Variants in PRDM1 observed in about 807,000 individuals in gnomAD.
The protein encoded by PRDM1 is PR domain zinc finger protein 1.
A neutral mutation model predicts 62.8 loss-of-function variants in PRDM1; 13 were observed. The ratio of observed to expected loss-of-function variants is 0.21; its 90% CI spans 0.13 to 0.33. PRDM1 has a LOEUF of 0.33. Ranked by LOEUF, PRDM1 falls within the 10% of genes least tolerant of loss-of-function variation. PRDM1 has a pLI of 1.00. For synonymous variants in PRDM1, 396 were observed against 417.6 expected (o/e 0.95, Z 0.63); for missense variants, 895 against 1,058.8 (o/e 0.85, Z 2.15).
intron 1 of PRDM1, among the ~76,000 whole-genome samples, chr6:106,018,038 T>G (rs1772645185): frequency 6.6e-6 from 1 of 152,120 alleles, no homozygotes; most frequent in Admixed American, 6.5e-5. Flanking sequence ...ATGAGATTGC[T>G]CAGGAGCTTT....
intron 1 of PRDM1, among the ~76,000 whole-genome samples, chr6:106,028,280 A>G (rs918029835): frequency 3.9e-5 from 6 of 152,206 alleles, no homozygotes. Context: ...ATCCAAGACT[A>G]AGGTTATGTC....
intron 2 of PRDM1, among the ~76,000 whole-genome samples, chr6:106,094,208 T>TA (rs1348763008): frequency 1.3e-5 from 2 of 152,220 alleles, no homozygotes; most frequent in East Asian, 3.8e-4. Context: ...ACTGGGAATA[T>TA]AAAAACTGGA....
At chr6:105,998,569 A>T (rs895551149) in intron 1 of PRDM1, among the ~76,000 whole-genome samples, 4 of 152,184 alleles carry the variant, frequency 2.6e-5, no homozygotes, top group African/African-American at 9.6e-5. Context: ...CTTTCTATAC[A>T]CATGACAGTT....
intron 1 of PRDM1, among the ~76,000 whole-genome samples, chr6:106,034,601 A>ACAC (rs147195130): frequency 2.4e-3 from 363 of 149,684 alleles, no homozygotes; most frequent in Non-Finnish European, 4.2e-3. Flanking sequence ...CTCAGAGATA[A>ACAC]CACTACAGTC....
intron 2 of PRDM1, among the ~76,000 whole-genome samples, chr6:106,094,148 G>A (rs1774028276): frequency 6.6e-6 from 1 of 152,158 alleles, no homozygotes; most frequent in Non-Finnish European, 1.5e-5. Context: ...TGCATGGATC[G>A]ATTCACATAT....
rs1774194986 is a variant in PRDM1, at chr6:106,099,160, C to T, written c.412-140C>T. On this transcript the variant is annotated intron_variant, in intron 3 of 6. Coordinates refer to ENST00000369096, the MANE Select transcript of PRDM1 (RefSeq NM_001198.4). ...TTCTGCTGATTCAAGACTATTCTGG[C>T]TAAACTGATTGGATTCTTTTTCTAA... 4.4e-6 allele frequency: 7 copies of T among 1,604,772 alleles called. No homozygotes were observed. In the African/African-American group the frequency reaches 9.4e-5, roughly 21 times the overall value.
At chr6:106,051,415 T>A (rs1418866627) in intron 1 of PRDM1, among the ~76,000 whole-genome samples, 2 of 152,220 alleles carry the variant, frequency 1.3e-5, no homozygotes, top group African/African-American at 4.8e-5. Flanking sequence ...AGGAGGGCTT[T>A]CACTGTCTCT....
At chr6:106,088,000 TAACTAAGAGTAGCA>T in intron 1 of PRDM1, 187 bp from the exon 2 acceptor site, 1 of 171,460 alleles carries the variant, frequency 5.8e-6, no homozygotes, top group Non-Finnish European at 1.1e-5. Flanking sequence ...TTTTTTTTTT[TAACTAAGAGTAGCA>T]TTTAAAAACC....
chr6:106,026,103 T>C (rs934636789), intron 1 of PRDM1, among the ~76,000 whole-genome samples: 2 of 152,242 alleles, frequency 1.3e-5, no homozygotes, highest in South Asian at 2.1e-4. Flanking sequence ...GACAACTCTT[T>C]TGAGAAAAGG....
At chr6:106,095,275 C>T (rs971000972) in intron 2 of PRDM1, among the ~76,000 whole-genome samples, 1 of 152,166 alleles carries the variant, frequency 6.6e-6, no homozygotes, top group African/African-American at 2.4e-5. Flanking sequence ...CCATCTAATT[C>T]TGCAGTGTCT....
chr6:106,070,476 G>T (rs1411550728), intron 1 of PRDM1, among the ~76,000 whole-genome samples: 2 of 152,048 alleles, frequency 1.3e-5, no homozygotes, highest in African/African-American at 2.4e-5. Context: ...GAATATTCAG[G>T]TTGTTTCTAG....
chr6:106,036,303 C>A (rs1431680327), intron 1 of PRDM1, among the ~76,000 whole-genome samples: 3 of 151,814 alleles, frequency 2.0e-5, no homozygotes, highest in Non-Finnish European at 4.4e-5. Context: ...TGTGCACCAC[C>A]ATGCACGGCT....
At chr6:106,091,549 G>A (rs1773961214) in intron 2 of PRDM1, among the ~76,000 whole-genome samples, 1 of 152,188 alleles carries the variant, frequency 6.6e-6, no homozygotes, top group Admixed American at 6.5e-5. Context: ...GGAGGCTGAG[G>A]ACAGCAGATC....
chr6:106,063,463 A>G (rs1346096749), intron 1 of PRDM1, among the ~76,000 whole-genome samples: 1 of 152,170 alleles, frequency 6.6e-6, no homozygotes, highest in Non-Finnish European at 1.5e-5. Flanking sequence ...TCAGGTATTC[A>G]GGAATTAGGT....
intron 1 of PRDM1, among the ~76,000 whole-genome samples, chr6:106,028,910 C>T (rs1026391861): frequency 6.9e-6 from 1 of 144,162 alleles, no homozygotes; most frequent in African/African-American, 2.6e-5. Context: ...TGTTTTCTTT[C>T]TTTCCTTCTT....
chr6:106,012,747 C>T (rs986037917), intron 1 of PRDM1, among the ~76,000 whole-genome samples: 4 of 152,068 alleles, frequency 2.6e-5, no homozygotes, highest in African/African-American at 9.7e-5. Flanking sequence ...TCAGAAAACT[C>T]GGGAACTCTG....
intron 1 of PRDM1, among the ~76,000 whole-genome samples, chr6:106,009,510 T>C (rs996210385): frequency 6.6e-6 from 1 of 152,110 alleles, no homozygotes; most frequent in Non-Finnish European, 1.5e-5. Context: ...AAGTTGCACA[T>C]ATTCAAAGCT....
chr6:105,993,151 T>G (rs1772300087), upstream of PRDM1, among the ~76,000 whole-genome samples: 1 of 152,216 alleles, frequency 6.6e-6, no homozygotes, highest in Non-Finnish European at 1.5e-5. Flanking sequence ...TTCAAAATAA[T>G]TCTGCATTGT....
intron 4 of PRDM1, among the ~76,000 whole-genome samples, chr6:106,104,115 C>T (rs900736803): frequency 9.2e-5 from 14 of 152,108 alleles, no homozygotes; most frequent in Non-Finnish European, 1.8e-4. Flanking sequence ...ATGCTGATTT[C>T]CTTTAGGTAA....
Sources: gnomAD v4.1 joint callset for allele counts (sites outside exome capture counted in the v4.1 genomes callset) on GRCh38, gnomAD v4.1.1 for gene constraint, MANE v1.5 for transcripts, NCBI Gene and HGNC (gene_info 2026-07-23, HGNC 2026-07-21) for gene names.